Variants in UCHL1 observed in about 807,000 individuals in gnomAD.
UCHL1 encodes the protein ubiquitin carboxyl-terminal hydrolase isozyme L1.
In UCHL1, 5 loss-of-function variants were observed where a neutral mutation model predicts 33.3. The ratio of observed to expected loss-of-function variants is 0.15; its 90% CI spans 0.08 to 0.32. The LOEUF (loss-of-function observed/expected upper bound fraction) is 0.32. Among genes scored for constraint, UCHL1 ranks in the 10% least tolerant of loss-of-function variants. The pLI is 1.00. For synonymous variants in UCHL1, 132 were observed against 108.8 expected, an observed-to-expected ratio of 1.21 and a Z score of -1.33; for missense variants, 236 against 280.0, an observed-to-expected ratio of 0.84 and a Z score of 1.12.
chr4:41,257,096 C>T lies in UCHL1; in HGVS notation c.34-19C>T, dbSNP rs6832687. 3,862 of 1,613,794 alleles carry T rather than the reference C, an allele frequency of 2.4e-3. 73 individuals are homozygous for T. In the African/African-American group the frequency reaches 0.04, roughly 17 times the overall value. On this transcript the variant is annotated intron_variant, in intron 1 of 8. Coordinates refer to ENST00000284440, the MANE Select transcript of UCHL1 (RefSeq NM_004181.5). ...CTGATCGGTTCGGTTTTGCCTTTTTCTTTGCATTTGCCTTTCAGATGCTGA... is the reference window on the plus strand; with the variant it reads ...CTGATCGGTTCGGTTTTGCCTTTTTTTTTGCATTTGCCTTTCAGATGCTGA...
chr4:41,257,884 G>A, intron 3 of UCHL1, 147 bp downstream of exon 3: 2 of 1,261,542 alleles, frequency 1.6e-6, no homozygotes, highest in South Asian at 3.2e-5. Context: ...CATTTTCGTG[G>A]TACCTACTCC....
Position 41,257,634 on chromosome 4 carries a change from G to T in UCHL1, c.71G>T (p.Gly24Val). 1 of 1,558,660 alleles carries T rather than the reference G, an allele frequency of 6.4e-7. No homozygotes were observed. Among genetic ancestry groups the T allele is most frequent in the East Asian group, 2.4e-5 (1 of 41,922 alleles). Reference sequence around the variant, plus strand: ...GTGCTGTCCCGGCTGGGGGTCGCCGGCCAGTGGCGCTTCGTGGACGTGCTG... The same window carrying T: ...GTGCTGTCCCGGCTGGGGGTCGCCGTCCAGTGGCGCTTCGTGGACGTGCTG... ...NKVLSRLGVAGQWRFVDVLGL... is the reference protein window; with the variant it reads ...NKVLSRLGVAVQWRFVDVLGL... Residue 24 changes from glycine (G) to valine (V), a missense_variant, in exon 3 of 9, where the codon GGC becomes GTC. Coordinates refer to ENST00000284440, the MANE Select transcript of UCHL1 (RefSeq NM_004181.5).
chr4:41,265,955 C>T (rs1359769043), intron 8 of UCHL1, among the ~76,000 whole-genome samples: 1 of 152,186 alleles, frequency 6.6e-6, no homozygotes, highest in Non-Finnish European at 1.5e-5. Context: ...GAAAGAGACC[C>T]TGGTCCTTCC....
chr4:41,266,226 C>A, intron 8 of UCHL1, among the ~76,000 whole-genome samples: 1 of 136,804 alleles, frequency 7.3e-6, no homozygotes, highest in South Asian at 2.3e-4. Flanking sequence ...CTGGCTAAAA[C>A]TTTTTTTTTT....
chr4:41,258,205 G>A (rs1781015292), intron 3 of UCHL1, among the ~76,000 whole-genome samples: 1 of 152,176 alleles, frequency 6.6e-6, no homozygotes, highest in South Asian at 2.1e-4. Context: ...CTAATTCTCC[G>A]CCTCCATTAC....
intron 8 of UCHL1, 69 bp downstream of exon 8, chr4:41,264,230 T>G: frequency 6.3e-7 from 1 of 1,590,278 alleles, no homozygotes; most frequent in Non-Finnish European, 8.6e-7. Flanking sequence ...TATTCTAAAG[T>G]GCTAACACTC....
At position 41,261,767 on chromosome 4, in the gene UCHL1, T is replaced by C; in HGVS notation, c.378T>C (p.Pro126=). 1 of 1,613,932 alleles carries C rather than the reference T, an allele frequency of 6.2e-7. No homozygotes were observed. Among genetic ancestry groups the C allele is most frequent in the Middle Eastern group, 1.7e-4 (1 of 5,892 alleles). ...QFLSETEKMS[P]EDRAKCFEKN... ...TTTCTGAAACAGAGAAAATGTCCCC[T>C]GAAGACAGAGCAAAATGCTTTGAAA... is the stretch of plus-strand genomic sequence containing the variant. Residue 126 remains proline (P), a synonymous_variant, in exon 5 of 9, where the codon CCT becomes CCC. Coordinates refer to ENST00000284440, the MANE Select transcript of UCHL1 (RefSeq NM_004181.5).
At chr4:41,262,039 G>A in intron 6 of UCHL1, 116 bp downstream of exon 6, 1 of 1,425,308 alleles carries the variant, frequency 7.0e-7, no homozygotes. Flanking sequence ...AAGGCCAAAT[G>A]ACACCAGAAA....
chr4:41,259,145 T>C (rs3822050), intron 3 of UCHL1, among the ~76,000 whole-genome samples: 15,314 of 152,252 alleles, frequency 0.1, 869 homozygotes, highest in East Asian at 0.16. Context: ...ATTCAACCTA[T>C]CAGATTTATC....
chr4:41,262,358 A>AT (rs1561081248), intron 6 of UCHL1, among the ~76,000 whole-genome samples: 1 of 152,094 alleles, frequency 6.6e-6, no homozygotes, highest in Non-Finnish European at 1.5e-5. Context: ...AGGTGGGAGA[A>AT]TTGCTTGAGC....
intron 2 of UCHL1, 181 bp downstream of exon 2, chr4:41,257,307 A>C: frequency 1.8e-6 from 2 of 1,107,576 alleles, no homozygotes; most frequent in Middle Eastern, 3.0e-4. Context: ...GACTCTACGA[A>C]ACCGGTCACG....
At chr4:41,263,504 T>C (rs955886508) in intron 7 of UCHL1, among the ~76,000 whole-genome samples, 4 of 147,398 alleles carry the variant, frequency 2.7e-5, no homozygotes, top group African/African-American at 7.3e-5. Context: ...TATCATCCTT[T>C]CTGGGCAAAG....
intron 7 of UCHL1, among the ~76,000 whole-genome samples, chr4:41,263,805 C>CAGAGACTG (rs1781111348): frequency 6.6e-6 from 1 of 152,220 alleles, no homozygotes; most frequent in African/African-American, 2.4e-5. Context: ...TCCCTATCCC[C>CAGAGACTG]AGAGACTGCA....
chr4:41,263,258 T>C lies in UCHL1; in HGVS notation c.493T>C (p.Phe165Leu), dbSNP rs564599222. The C allele has an allele frequency of 1.8e-4, 298 of 1,614,140 alleles. 3 individuals are homozygous for C. The South Asian group carries it at 3.2e-3, about 17-fold the overall frequency. Residue 165 changes from phenylalanine to leucine, a missense_variant, in exon 7 of 9, where the codon TTT becomes CTT. Phe to Leu is a conservative substitution (Grantham distance 22). Coordinates refer to ENST00000284440, the MANE Select transcript of UCHL1 (RefSeq NM_004181.5). ...DDKVNFHFILFNNVDGHLYEL... is the reference protein window; with the variant it reads ...DDKVNFHFILLNNVDGHLYEL... ...CAAGGTGAATTTCCATTTTATTCTGTTTAACAACGTGGATGGCCACCTCTA... is the reference window on the plus strand; with the variant it reads ...CAAGGTGAATTTCCATTTTATTCTGCTTAACAACGTGGATGGCCACCTCTA...
chr4:41,266,122 A>G (rs887379867), intron 8 of UCHL1, among the ~76,000 whole-genome samples: 8 of 150,596 alleles, frequency 5.3e-5, no homozygotes, highest in African/African-American at 2.0e-4. Flanking sequence ...GGGACTCACT[A>G]TGTTGCCCAG....
intron 1 of UCHL1, 40 bp from the exon 2 acceptor site, chr4:41,257,075 T>G: frequency 6.2e-7 from 1 of 1,614,018 alleles, no homozygotes; most frequent in Non-Finnish European, 8.5e-7. Context: ...GAGTCGCTGA[T>G]CGGTTCGGTT....
At chr4:41,261,984 T>C in intron 6 of UCHL1, 61 bp downstream of exon 6, 1 of 1,597,390 alleles carries the variant, frequency 6.3e-7, no homozygotes, top group Non-Finnish European at 8.5e-7. Flanking sequence ...TCTACTGAAA[T>C]TGTGCAGGAA....
rs562755151 is a variant in UCHL1 at position 41,263,699 on chromosome 4, C to T, written c.527-404C>T. Among the ~76,000 whole-genome samples, 3 of 152,296 alleles carry T rather than the reference C, an allele frequency of 2.0e-5. No homozygotes were observed. The East Asian group carries it at 5.8e-4, about 29-fold the overall frequency. On this transcript the variant is annotated intron_variant, in intron 7 of 8. Transcript: ENST00000284440. ...ACTCTTGTCTCAAGCCAAGATACGA[C>T]CTACAGGCTTACAAAGGCAAAGGAA...
chr4:41,258,892 G>A (rs556278952), intron 3 of UCHL1, among the ~76,000 whole-genome samples: 1 of 152,320 alleles, frequency 6.6e-6, no homozygotes, highest in Non-Finnish European at 1.5e-5. Flanking sequence ...AGTCGAATTA[G>A]CTTCCTGGTT....
Sources: gnomAD v4.1 joint callset for allele counts (sites outside exome capture counted in the v4.1 genomes callset) on GRCh38, gnomAD v4.1.1 for gene constraint, MANE v1.5 for transcripts, NCBI Gene and HGNC (gene_info 2026-07-23, HGNC 2026-07-21) for gene names.